The following FAM168A variants were observed in gnomAD, a reference collection of about 807,000 sequenced individuals.
The protein encoded by FAM168A is family with sequence similarity 168 member A.
Under a neutral mutation model 28.5 loss-of-function variants are expected in FAM168A, and 3 were observed. The observed-to-expected ratio is 0.11, with a 90% CI of 0.05 to 0.27. FAM168A has a LOEUF of 0.27. FAM168A is among the 10% of genes least tolerant of loss of function. FAM168A has a pLI of 1.00. For synonymous variants in FAM168A, 122 were observed against 124.2 expected (o/e 0.98, Z 0.12); for missense variants, 222 against 311.5 (o/e 0.71, Z 2.16).
At chr11:73,532,100 A>G (rs1396767274) in intron 1 of FAM168A, among the ~76,000 whole-genome samples, 1 of 151,130 alleles carries the variant, frequency 6.6e-6, no homozygotes, top group Non-Finnish European at 1.5e-5. Context: ...GGCATGAGCC[A>G]CCATGCCTGG....
chr11:73,571,500 G>A (rs1417321155), intron 1 of FAM168A, among the ~76,000 whole-genome samples: 7 of 151,944 alleles, frequency 4.6e-5, no homozygotes, highest in East Asian at 1.9e-4. Context: ...CGCCAGCCTC[G>A]GCCTCCTGAG....
intron 2 of FAM168A, among the ~76,000 whole-genome samples, chr11:73,467,508 T>G (rs1463117255): frequency 6.6e-6 from 1 of 152,126 alleles, no homozygotes; most frequent in Non-Finnish European, 1.5e-5. Context: ...TTTTGGAAAT[T>G]TGGAAAATTT....
At chr11:73,495,125 C>T (rs74411208) in intron 1 of FAM168A, among the ~76,000 whole-genome samples, 30 of 138,080 alleles carry the variant, frequency 2.2e-4, no homozygotes, top group African/African-American at 8.5e-4. Context: ...ATGGTATAGA[C>T]GTAAAAAAAA....
chr11:73,445,162 G>T (rs1018273581), intron 2 of FAM168A, among the ~76,000 whole-genome samples: 5 of 151,976 alleles, frequency 3.3e-5, no homozygotes, highest in Non-Finnish European at 5.9e-5. Flanking sequence ...GGGAGGCTGA[G>T]GCAGGAGAAT....
chr11:73,566,698 C>T (rs911096397), intron 1 of FAM168A, among the ~76,000 whole-genome samples: 21 of 152,216 alleles, frequency 1.4e-4, no homozygotes, highest in Admixed American at 1.4e-3. Context: ...ATACACTCTA[C>T]TCATTCAAGC....
At chr11:73,443,600 C>T (rs1260241224) in intron 2 of FAM168A, among the ~76,000 whole-genome samples, 1 of 152,180 alleles carries the variant, frequency 6.6e-6, no homozygotes, top group Non-Finnish European at 1.5e-5. Context: ...GTCATGTCCC[C>T]TTCCCTACTG....
At chr11:73,545,079 GC>G in intron 1 of FAM168A, among the ~76,000 whole-genome samples, 1 of 126,140 alleles carries the variant, frequency 7.9e-6, no homozygotes, top group African/African-American at 3.3e-5. Context: ...AGGCTGGAGT[GC>G]AGCGCCACAA....
intron 1 of FAM168A, among the ~76,000 whole-genome samples, chr11:73,494,553 C>G (rs1854830323): frequency 6.6e-6 from 1 of 152,094 alleles, no homozygotes; most frequent in South Asian, 2.1e-4. Flanking sequence ...TGCAGAGGCC[C>G]CAGAACATTT....
intron 1 of FAM168A, among the ~76,000 whole-genome samples, chr11:73,528,231 G>A (rs1035338453): frequency 6.6e-6 from 1 of 152,146 alleles, no homozygotes; most frequent in Admixed American, 6.5e-5. Flanking sequence ...TTTTGAATGA[G>A]GGCTAGGAAA....
At chr11:73,472,119 C>A (rs573346477) in intron 1 of FAM168A, among the ~76,000 whole-genome samples, 1 of 152,174 alleles carries the variant, frequency 6.6e-6, no homozygotes, top group African/African-American at 2.4e-5. Flanking sequence ...CCCATCTCCA[C>A]ACATACCCCT....
rs938589625 is a variant in FAM168A at position 73,402,284 on chromosome 11, C to T, written c.*4479G>A. On this transcript the variant is annotated 3_prime_UTR_variant, in exon 8 of 8. Transcript: ENST00000356467. ...ACAGGGCCCAGAATGGGGCCCACCC[C>T]CTCTGGGCACAGAACAAAGCTGAGG... 6.6e-6 allele frequency: 1 copy of T among 152,246 alleles called. No individual in the cohort carries two copies. Among genetic ancestry groups the T allele is most frequent in the Non-Finnish European group, 1.5e-5 (1 of 68,046 alleles). The allele number at this position is 152,246 out of a possible 1,614,324, so 9.4% of individuals were successfully genotyped here. A position where few individuals can be genotyped will look rare whatever the true frequency, so the allele number is the denominator to read the frequency against.
At chr11:73,458,956 G>A (rs1041786625) in intron 2 of FAM168A, among the ~76,000 whole-genome samples, 23 of 152,228 alleles carry the variant, frequency 1.5e-4, no homozygotes, top group Admixed American at 7.2e-4. Context: ...AGGATTAAAT[G>A]AGATCACAAA....
intron 1 of FAM168A, among the ~76,000 whole-genome samples, chr11:73,575,337 G>A (rs1161226506): frequency 6.6e-6 from 1 of 152,058 alleles, no homozygotes; most frequent in South Asian, 2.1e-4. Context: ...CTGATGATAG[G>A]TATTAATTCA....
chr11:73,478,431 CAGT>C (rs1466804961), intron 1 of FAM168A, among the ~76,000 whole-genome samples: 1 of 152,044 alleles, frequency 6.6e-6, no homozygotes, highest in Non-Finnish European at 1.5e-5. Context: ...TACAGGCAAA[CAGT>C]AGATTTTTGA....
rs140597747 is a variant in FAM168A at position 73,563,669 on chromosome 11, A to C, written c.-19+34254T>G. ...GGGAGACCCAAAAGCTTTTCCTTCT[A>C]TTAACTCACAACAACCCTTTGAGCC... On this transcript the variant is annotated intron_variant, in intron 1 of 7. Coordinates refer to ENST00000356467, the MANE Select transcript of FAM168A (RefSeq NM_015159.3). Among the ~76,000 whole-genome samples the C allele has an allele frequency of 1.3e-4, 20 of 152,360 alleles. No individual in the cohort carries two copies. The East Asian group carries it at 3.7e-3, about 28-fold the overall frequency.
At chr11:73,477,652 C>A (rs1456833611) in intron 1 of FAM168A, among the ~76,000 whole-genome samples, 1 of 151,956 alleles carries the variant, frequency 6.6e-6, no homozygotes, top group East Asian at 1.9e-4. Flanking sequence ...GACCGGAGGC[C>A]AGAAGACAGG....
chr11:73,533,586 A>C (rs561337908), intron 1 of FAM168A, among the ~76,000 whole-genome samples: 3 of 152,118 alleles, frequency 2.0e-5, no homozygotes, highest in Non-Finnish European at 2.9e-5. Flanking sequence ...AATTCAAAAC[A>C]ACCACAAAAA....
chr11:73,561,090 C>T (rs116090967), intron 1 of FAM168A, among the ~76,000 whole-genome samples: 11,401 of 146,926 alleles, frequency 0.078, 1,415 homozygotes, highest in African/African-American at 0.26. Flanking sequence ...ACAAAAAGAC[C>T]GGGCGCGGTG....
At chr11:73,440,498 T>C (rs1867174260) in intron 2 of FAM168A, among the ~76,000 whole-genome samples, 2 of 151,970 alleles carry the variant, frequency 1.3e-5, no homozygotes, top group South Asian at 4.1e-4. Context: ...AAAGCGGTGG[T>C]GTGTGCCCAC....
Sources: allele counts gnomAD v4.1 joint callset (sites outside exome capture counted in the v4.1 genomes callset), GRCh38; gene constraint gnomAD v4.1.1; transcripts MANE v1.5; gene names NCBI Gene and HGNC (gene_info 2026-07-23, HGNC 2026-07-21).